TMCC1: variants seen among roughly 807,000 people sequenced by gnomAD.
TMCC1 encodes the protein transmembrane and coiled-coil domains protein 1.
A neutral mutation model predicts 52.4 loss-of-function variants in TMCC1; 15 were observed. That is an observed-to-expected ratio of 0.29 (90% CI 0.19 to 0.44). TMCC1 has a LOEUF of 0.44. TMCC1 is among the 20% of genes least tolerant of loss of function. The probability of loss-of-function intolerance (pLI) is 1.00; values close to 1 mark genes in which losing one functional copy is unlikely to be tolerated. For missense variants in TMCC1, 503 were observed against 806.0 expected (o/e 0.62, Z 4.55); for synonymous variants, 279 against 301.9 (o/e 0.92, Z 0.79).
At chr3:129,827,623 T>A (rs2107832569) in intron 4 of TMCC1, 180 bp downstream of exon 4, 1 of 666,000 alleles carries the variant, frequency 1.5e-6, no homozygotes, top group African/African-American at 1.8e-5. Context: ...AGGAATATAA[T>A]TCTAAGCATT....
At chr3:129,865,499 A>T (rs2107944299) in intron 2 of TMCC1, among the ~76,000 whole-genome samples, 1 of 152,272 alleles carries the variant, frequency 6.6e-6, no homozygotes, top group Admixed American at 6.5e-5. Context: ...AACCAGAAAA[A>T]ATATGGATGG....
intron 4 of TMCC1, among the ~76,000 whole-genome samples, chr3:129,784,247 T>C (rs939539784): frequency 6.6e-6 from 1 of 152,140 alleles, no homozygotes; most frequent in Non-Finnish European, 1.5e-5. Context: ...AAAAAAGTCC[T>C]TGTCATAAGG....
At chr3:129,744,798 G>A (rs939371505) in intron 4 of TMCC1, among the ~76,000 whole-genome samples, 1 of 152,184 alleles carries the variant, frequency 6.6e-6, no homozygotes, top group African/African-American at 2.4e-5. Flanking sequence ...ATGAAACTGA[G>A]AGGATGAGAA....
intron 4 of TMCC1, among the ~76,000 whole-genome samples, chr3:129,817,242 T>A (rs919196073): frequency 6.6e-6 from 1 of 152,154 alleles, no homozygotes; most frequent in Non-Finnish European, 1.5e-5. Context: ...AACTGTTATT[T>A]AAAACCAAAA....
In TMCC1 at chr3:129,804,273, G is replaced by A. The variant is rs186424521; in HGVS notation, c.576+23530C>T. ...GCCTTAAAGTCTAACTCGCCTGATG[G>A]AAAATATAATGCCATGCAAATACTA... On this transcript the variant is annotated intron_variant, in intron 4 of 6. Coordinates refer to ENST00000393238, the MANE Select transcript of TMCC1 (RefSeq NM_001017395.5). 3.6e-4 allele frequency among the ~76,000 whole-genome samples: 55 copies of A among 152,200 alleles called. 1 individual carries two copies. Among genetic ancestry groups the A allele is most frequent in the Non-Finnish European group, 1.5e-4 (10 of 68,006 alleles).
rs1158081413 is a variant in TMCC1 at position 129,785,937 on chromosome 3, T to C, written c.576+41866A>G. Among the ~76,000 whole-genome samples the C allele has an allele frequency of 4.4e-5, 6 of 136,210 alleles. No homozygotes were observed. In the East Asian group the frequency reaches 2.5e-3, roughly 57 times the overall value. 89.4% of individuals were successfully genotyped at this position (136,210 alleles called of 152,430 possible). On this transcript the variant is annotated intron_variant, in intron 4 of 6. Transcript: ENST00000393238. Reference sequence around the variant, plus strand: ...GTTAGAACTTACCCTCACCCCCTTTTTTTTTTTTTTTTTTTAAGACAGAGT... The same window carrying C: ...GTTAGAACTTACCCTCACCCCCTTTCTTTTTTTTTTTTTTTAAGACAGAGT...
At chr3:129,666,390 A>G (rs1479638728) in intron 5 of TMCC1, among the ~76,000 whole-genome samples, 2 of 152,220 alleles carry the variant, frequency 1.3e-5, no homozygotes, top group African/African-American at 2.4e-5. Flanking sequence ...ACTTTGTAAA[A>G]GAAGGCAGAG....
chr3:129,677,276 G>T (rs1245622711), intron 4 of TMCC1, among the ~76,000 whole-genome samples: 1 of 151,976 alleles, frequency 6.6e-6, no homozygotes, highest in Admixed American at 6.6e-5. Context: ...TAGTGACTCA[G>T]GCTATAATAT....
At chr3:129,812,511 C>T (rs1043687971) in intron 4 of TMCC1, among the ~76,000 whole-genome samples, 2 of 151,744 alleles carry the variant, frequency 1.3e-5, no homozygotes. Flanking sequence ...CTTTTAATAC[C>T]CCTGTTCAAG....
At chr3:129,691,593 C>T (rs1442435861) in intron 4 of TMCC1, among the ~76,000 whole-genome samples, 3 of 152,022 alleles carry the variant, frequency 2.0e-5, no homozygotes, top group Non-Finnish European at 4.4e-5. Context: ...CCAGCCTGGG[C>T]AACATAACAA....
intron 4 of TMCC1, among the ~76,000 whole-genome samples, chr3:129,720,025 G>T (rs1480195406): frequency 1.3e-5 from 2 of 151,650 alleles, no homozygotes; most frequent in Admixed American, 1.3e-4. Flanking sequence ...CTACAAAAAA[G>T]AAATAAATTA....
intron 4 of TMCC1, among the ~76,000 whole-genome samples, chr3:129,800,133 T>G (rs2057093629): frequency 6.6e-6 from 1 of 152,248 alleles, no homozygotes; most frequent in Non-Finnish European, 1.5e-5. Context: ...TTTCTTTTGC[T>G]CATCATATCT....
chr3:129,699,957 T>TA (rs1285300779), intron 4 of TMCC1, among the ~76,000 whole-genome samples: 2 of 152,172 alleles, frequency 1.3e-5, no homozygotes, highest in African/African-American at 4.8e-5. Context: ...CCTTAGGTAT[T>TA]ACTTTATAAA....
At chr3:129,759,427 C>T (rs1320809902) in intron 4 of TMCC1, among the ~76,000 whole-genome samples, 1 of 151,804 alleles carries the variant, frequency 6.6e-6, no homozygotes, top group Non-Finnish European at 1.5e-5. Flanking sequence ...GTCACAACGT[C>T]CAGCTAATTT....
At chr3:129,873,442 G>C (rs1316067384) in intron 2 of TMCC1, among the ~76,000 whole-genome samples, 1 of 151,846 alleles carries the variant, frequency 6.6e-6, no homozygotes. Flanking sequence ...AGCACTTTGG[G>C]AGGTGGAAAT....
intron 4 of TMCC1, chr3:129,688,768 A>G (rs2089601056): frequency 3.1e-6 from 3 of 983,194 alleles, no homozygotes; most frequent in African/African-American, 1.7e-5. Flanking sequence ...GATCACAGAC[A>G]GTATCTGCCT....
intron 4 of TMCC1, among the ~76,000 whole-genome samples, chr3:129,792,174 G>GTA (rs142873988): frequency 0.099 from 14,570 of 146,764 alleles, 895 homozygotes; most frequent in East Asian, 0.18. Context: ...CTGTTCAACT[G>GTA]TATATATATA....
At chr3:129,708,506 C>CAT (rs2048409524) in intron 4 of TMCC1, among the ~76,000 whole-genome samples, 2 of 152,224 alleles carry the variant, frequency 1.3e-5, no homozygotes, top group Admixed American at 6.5e-5. Context: ...CCATAAATCA[C>CAT]ATAAATGTGG....
At chr3:129,687,594 G>A (rs1188289173) in intron 4 of TMCC1, among the ~76,000 whole-genome samples, 1 of 152,152 alleles carries the variant, frequency 6.6e-6, no homozygotes, top group Non-Finnish European at 1.5e-5. Context: ...ATAGAATTGA[G>A]TCTGGCAAAG....
Sources: gnomAD v4.1 joint callset for allele counts (sites outside exome capture counted in the v4.1 genomes callset) on GRCh38, gnomAD v4.1.1 for gene constraint, MANE v1.5 for transcripts, NCBI Gene and HGNC (gene_info 2026-07-23, HGNC 2026-07-21) for gene names.